RGP1: variants seen among roughly 807,000 people sequenced by gnomAD.
RGP1 encodes RGP1 partner of RAB6A GEF complex.
Under a neutral mutation model 44.5 loss-of-function variants are expected in RGP1, and 28 were observed. The ratio of observed to expected loss-of-function variants is 0.63; its 90% confidence interval spans 0.47 to 0.86. The LOEUF is 0.86. Ranked by LOEUF, RGP1 falls within the 40% of genes least tolerant of loss-of-function variation. The probability of loss-of-function intolerance (pLI) is 0.00; values close to 1 mark genes in which losing one functional copy is unlikely to be tolerated. For synonymous variants in RGP1, 212 were observed against 196.7 expected (o/e 1.08, Z -0.65); for missense variants, 417 against 490.7 (o/e 0.85, Z 1.42).
the RGP1 span, chr9:35,772,087 T>TG: frequency 1.3e-5 from 2 of 152,244 alleles, no homozygotes; most frequent in African/African-American, 4.8e-5. Flanking sequence ...TGTGCAATAT[T>TG]GAGATACCTT....
chr9:35,781,211 A>G, the RGP1 span, among the ~76,000 whole-genome samples: 1 of 152,020 alleles, frequency 6.6e-6, no homozygotes, highest in Non-Finnish European at 1.5e-5. Flanking sequence ...TTAGAGGACT[A>G]TAGATAGCTC....
rs1341877779 is a variant in RGP1 at position 35,752,206 on chromosome 9, AG to A, written c.952+64del. 3 of 1,436,738 alleles carry A rather than the reference AG, an allele frequency of 2.1e-6. No homozygotes were observed. The African/African-American group carries it at 4.3e-5, about 21-fold the overall frequency. 89.0% of individuals were successfully genotyped at this position (1,436,738 alleles called of 1,614,324 possible). ...GGACAGTAAAATGCTGTGCTAAGGG[AG>A]GGTGTAATGGATCCTGATTCCTTAT... is the stretch of plus-strand genomic sequence containing the variant. On this transcript the variant is annotated intron_variant, in intron 8 of 8. Coordinates refer to ENST00000378078, the MANE Select transcript of RGP1 (RefSeq NM_001080496.3).
chr9:35,777,285 A>G, the RGP1 span, among the ~76,000 whole-genome samples: 1 of 151,128 alleles, frequency 6.6e-6, no homozygotes, highest in Non-Finnish European at 1.5e-5. Flanking sequence ...GCCCACCACC[A>G]TGCCTGGCTA....
the RGP1 span, among the ~76,000 whole-genome samples, chr9:35,764,594 A>G: frequency 6.6e-6 from 1 of 152,204 alleles, no homozygotes; most frequent in African/African-American, 2.4e-5. Context: ...ATACCTGTGT[A>G]ATCATCTTCC....
In RGP1 at chr9:35,749,707, T is replaced by C; in HGVS notation, c.-19-30T>C. The C allele has an allele frequency of 7.2e-7, 1 of 1,384,280 alleles. No homozygotes were observed. Among genetic ancestry groups the C allele is most frequent in the Non-Finnish European group, 1.0e-6 (1 of 978,386 alleles). 85.7% of individuals were successfully genotyped at this position (1,384,280 alleles called of 1,614,324 possible). On this transcript the variant is annotated intron_variant, in intron 1 of 8. Coordinates refer to ENST00000378078, the MANE Select transcript of RGP1 (RefSeq NM_001080496.3). The surrounding 1 kb of genome is among the most constrained non-coding windows in gnomAD (Gnocchi z 4.4). ...GCAACGCCCCTCCCTGTCAAGGTGC[T>C]GACCTCCGCCCCGCCTTGTTTCCTT... is the stretch of plus-strand genomic sequence containing the variant.
At position 35,750,741 on chromosome 9, in the gene RGP1, T is replaced by C; in HGVS notation, c.337T>C (p.Tyr113His). 9 of 1,613,902 alleles carry C rather than the reference T, an allele frequency of 5.6e-6. No individual in the cohort carries two copies. Among genetic ancestry groups the C allele is most frequent in the Middle Eastern group, 1.6e-4 (1 of 6,062 alleles). ...GCTTGATCCTGGAGAGTCCAAATCA[T>C]GTGAGTGATTGTCCCCATCCCTGAA... is the stretch of plus-strand genomic sequence containing the variant. Reference protein sequence around the residue: ...LRLDPGESKSYSYSEVLPIEG... With the variant: ...LRLDPGESKSHSYSEVLPIEG... The change falls in exon 4 of 9, where the codon TAC becomes CAC. Residue 113 changes from tyrosine (Y) to histidine (H), a missense_variant and splice_region_variant. Physicochemically the swap from Tyr to His is moderately conservative, Grantham distance 83. Transcript: ENST00000378078.
chr9:35,750,155 G>T (rs778520433), intron 2 of RGP1, 88 bp from the exon 3 acceptor site: 21 of 1,507,568 alleles, frequency 1.4e-5, no homozygotes, highest in Non-Finnish European at 1.9e-5. Flanking sequence ...ATCTAACCTT[G>T]TTGGTTAAGA....
At chr9:35,760,296 G>A (rs1370875188), downstream of RGP1, among the ~76,000 whole-genome samples, 2 of 152,046 alleles carry the variant, frequency 1.3e-5, no homozygotes, top group East Asian at 1.9e-4. Context: ...ATATCCTCAT[G>A]AATAGAGTTT....
chr9:35,773,338 C>T, the RGP1 span, among the ~76,000 whole-genome samples: 1 of 152,104 alleles, frequency 6.6e-6, no homozygotes, highest in Admixed American at 6.5e-5. Context: ...CTGCAGTGAG[C>T]TGAGATCGCA....
the RGP1 span, among the ~76,000 whole-genome samples, chr9:35,775,784 A>T: frequency 3.6e-4 from 55 of 152,300 alleles, no homozygotes; most frequent in African/African-American, 1.2e-3. Flanking sequence ...TTTTAAAAAA[A>T]TTTTTGCTTT....
chr9:35,753,631 A>T lies in RGP1; in HGVS notation c.*757A>T. 1 of 1,516,044 alleles carries T rather than the reference A, an allele frequency of 6.6e-7. No homozygotes were observed. 93.9% of individuals were successfully genotyped at this position (1,516,044 alleles called of 1,614,324 possible). On this transcript the variant is annotated 3_prime_UTR_variant, in exon 9 of 9. Coordinates refer to ENST00000378078, the MANE Select transcript of RGP1 (RefSeq NM_001080496.3). The surrounding 1 kb of genome is among the most constrained non-coding windows in gnomAD (Gnocchi z 4.2). ...TCCCTCAGTCACTCATATCAGAGTC[A>T]TTCTCTCTGGCCATCTTTGGTCACT...
At chr9:35,783,135 T>A in the RGP1 span, among the ~76,000 whole-genome samples, 9 of 152,182 alleles carry the variant, frequency 5.9e-5, no homozygotes, top group Non-Finnish European at 1.2e-4. Flanking sequence ...ATTTATTCAT[T>A]TATTCAACGT....
At chr9:35,789,724 G>A in the RGP1 span, among the ~76,000 whole-genome samples, 1 of 152,174 alleles carries the variant, frequency 6.6e-6, no homozygotes, top group African/African-American at 2.4e-5. Context: ...AGAGAGACTT[G>A]CCTGGGTTTG....
At chr9:35,767,103 AAG>A in the RGP1 span, among the ~76,000 whole-genome samples, 1 of 152,142 alleles carries the variant, frequency 6.6e-6, no homozygotes, top group African/African-American at 2.4e-5. Flanking sequence ...TCTTTCCAAA[AAG>A]AGTCACTGAT....
downstream of RGP1, among the ~76,000 whole-genome samples, chr9:35,759,917 C>CT (rs34848500): frequency 2.4e-3 from 316 of 132,958 alleles, 6 homozygotes; most frequent in East Asian, 0.035. Flanking sequence ...TTCATTTTTC[C>CT]TTTTTTTTTT....
chr9:35,761,925 A>G (rs991933953), downstream of RGP1, among the ~76,000 whole-genome samples: 6 of 152,106 alleles, frequency 3.9e-5, no homozygotes, highest in African/African-American at 1.4e-4. Flanking sequence ...AGGCCGAGGC[A>G]GGCAGATCAC....
In RGP1 at chr9:35,753,369, C is replaced by T; in HGVS notation, c.*495C>T. On this transcript the variant is annotated 3_prime_UTR_variant, in exon 9 of 9. Transcript: ENST00000378078. The surrounding 1 kb of genome is among the most constrained non-coding windows in gnomAD (Gnocchi z 4.2). ...ATGTTCCCTCTCTCACAGTTTTCCC[C>T]CCACAGAGCCCCTTTCAGTGGCCCC... 1.4e-6 allele frequency: 2 copies of T among 1,422,220 alleles called. No homozygotes were observed. Among genetic ancestry groups the T allele is most frequent in the Non-Finnish European group, 1.9e-6 (2 of 1,048,828 alleles). The allele number at this position is 1,422,220 out of a possible 1,614,324, so 88.1% of individuals were successfully genotyped here. A position where few individuals can be genotyped will look rare whatever the true frequency, so the allele number is the denominator to read the frequency against.
downstream of RGP1, among the ~76,000 whole-genome samples, chr9:35,761,559 G>A (rs768877695): frequency 1.6e-3 from 245 of 151,966 alleles, no homozygotes; most frequent in Non-Finnish European, 2.1e-3. Context: ...CCGTAGTCTC[G>A]GCTACTTGGG....
At chr9:35,751,534 TAAAG>T (rs1827264796) in intron 6 of RGP1, 89 bp from the exon 7 acceptor site, 7 of 1,599,592 alleles carry the variant, frequency 4.4e-6, no homozygotes, top group Admixed American at 1.7e-5. Context: ...CCTCCAATTT[TAAAG>T]AAAAGCCCCA....
Sources: gnomAD v4.1 joint callset for allele counts (sites outside exome capture counted in the v4.1 genomes callset) on GRCh38, gnomAD v4.1.1 for gene constraint, Gnocchi (gnomAD v3.1) non-coding constraint, MANE v1.5 for transcripts, NCBI Gene and HGNC (gene_info 2026-07-23, HGNC 2026-07-21) for gene names.